RBFOX1: variants seen among roughly 807,000 people sequenced by gnomAD.
RBFOX1 encodes RNA binding protein fox-1 homolog 1.
A neutral mutation model predicts 57.7 loss-of-function variants in RBFOX1; 8 were observed. The observed-to-expected ratio is 0.14, with a 90% CI of 0.08 to 0.25. RBFOX1 has a LOEUF of 0.25. RBFOX1 is among the 10% of genes least tolerant of loss of function. RBFOX1 has a pLI of 1.00. For missense variants in RBFOX1, 611 were observed against 548.5 expected (o/e 1.11, Z -1.14); for synonymous variants, 326 against 222.4 (o/e 1.47, Z -4.15).
intron 3 of RBFOX1, among the ~76,000 whole-genome samples, chr16:5,786,142 C>T (rs897929921): frequency 1.4e-4 from 22 of 152,150 alleles, no homozygotes; most frequent in African/African-American, 4.8e-4. Flanking sequence ...TATATTGCTC[C>T]ACCTCTCACC....
chr16:5,337,243 A>T (rs2064920624), intron 1 of RBFOX1, among the ~76,000 whole-genome samples: 1 of 152,194 alleles, frequency 6.6e-6, no homozygotes, highest in Non-Finnish European at 1.5e-5. Context: ...TGCTTTTATC[A>T]TGCAGGGATG....
intron 2 of RBFOX1, among the ~76,000 whole-genome samples, chr16:6,639,498 A>AAACATCTTATATTG (rs1157300195): frequency 6.6e-6 from 1 of 152,214 alleles, no homozygotes; most frequent in African/African-American, 2.4e-5. Flanking sequence ...CAGTTTTTAG[A>AAACATCTTATATTG]AACATCTTAT....
At chr16:6,936,499 C>T (rs907443058) in intron 3 of RBFOX1, among the ~76,000 whole-genome samples, 13 of 152,020 alleles carry the variant, frequency 8.6e-5, no homozygotes, top group African/African-American at 2.9e-4. Flanking sequence ...TAATTGACTC[C>T]CGACTATGTA....
chr16:5,809,014 C>T (rs115062624), intron 3 of RBFOX1, among the ~76,000 whole-genome samples: 1,638 of 152,158 alleles, frequency 0.011, 39 homozygotes, highest in African/African-American at 0.037. Context: ...CAAACCCTAA[C>T]GCTGCGTATC....
intron 3 of RBFOX1, among the ~76,000 whole-genome samples, chr16:5,663,178 G>C (rs2049714271): frequency 6.6e-6 from 1 of 152,124 alleles, no homozygotes; most frequent in African/African-American, 2.4e-5. Context: ...AATGCCAAGA[G>C]TGTTGAGGTT....
chr16:6,351,957 A>G (rs183266805), intron 2 of RBFOX1, among the ~76,000 whole-genome samples: 165 of 152,278 alleles, frequency 1.1e-3, no homozygotes, highest in Non-Finnish European at 2.1e-3. Flanking sequence ...AAATGCACAG[A>G]ATTTATACAC....
intron 4 of RBFOX1, among the ~76,000 whole-genome samples, chr16:7,292,232 CGTATTATATATCAT>C (rs1568063949): frequency 5.8e-4 from 59 of 101,804 alleles, no homozygotes; most frequent in African/African-American, 2.6e-3. Flanking sequence ...TGATATAGAA[CGTATTATATATCAT>C]ATATATGATA....
intron 2 of RBFOX1, among the ~76,000 whole-genome samples, chr16:6,583,332 TG>T (rs1001988982): frequency 3.9e-5 from 6 of 151,958 alleles, no homozygotes; most frequent in African/African-American, 1.5e-4. Context: ...CAGTGGGAAA[TG>T]GGTGGGTTGC....
At chr16:6,970,225 C>T (rs967412642) in intron 3 of RBFOX1, among the ~76,000 whole-genome samples, 1 of 151,814 alleles carries the variant, frequency 6.6e-6, no homozygotes, top group Non-Finnish European at 1.5e-5. Flanking sequence ...ATCAAAAACC[C>T]ATGAAAAACC....
chr16:7,259,911 A>G (rs1157556901), intron 4 of RBFOX1, among the ~76,000 whole-genome samples: 1 of 152,182 alleles, frequency 6.6e-6, no homozygotes, highest in African/African-American at 2.4e-5. Flanking sequence ...ATTCTGGGAT[A>G]AATGAATGCC....
In RBFOX1 at chr16:7,689,934, A is replaced by T. The variant is rs143936992; in HGVS notation, c.995+13096A>T. The stretch of plus-strand genomic sequence containing the variant: ...TACTGTATCAGGTTTGTGTGGTTGC[A>T]TAGTCTAAAACCTAAGTAGCTAGGT... On this transcript the variant is annotated intron_variant, in intron 14 of 15. Transcript: ENST00000550418. Among the ~76,000 whole-genome samples the T allele has an allele frequency of 3.2e-3, 491 of 152,226 alleles. 2 individuals carry two copies. Among genetic ancestry groups the T allele is most frequent in the Non-Finnish European group, 4.5e-3 (307 of 67,998 alleles).
chr16:7,703,869 A>G (rs1369409801), intron 14 of RBFOX1, among the ~76,000 whole-genome samples: 1 of 152,242 alleles, frequency 6.6e-6, no homozygotes, highest in Non-Finnish European at 1.5e-5. Context: ...TTTGATCGGT[A>G]GAGCTGCATG....
chr16:5,300,580 A>G (rs1388890896), intron 1 of RBFOX1, among the ~76,000 whole-genome samples: 2 of 152,174 alleles, frequency 1.3e-5, no homozygotes, highest in East Asian at 3.8e-4. Flanking sequence ...TAATAATTAT[A>G]TTATTTATTT....
chr16:6,296,539 G>A (rs1489258887), intron 1 of RBFOX1, among the ~76,000 whole-genome samples: 1 of 151,786 alleles, frequency 6.6e-6, no homozygotes, highest in Non-Finnish European at 1.5e-5. Context: ...TCCTGCCTCA[G>A]CCTCCCGTGT....
chr16:6,433,997 A>C (rs2094168956), intron 2 of RBFOX1, among the ~76,000 whole-genome samples: 1 of 151,806 alleles, frequency 6.6e-6, no homozygotes, highest in African/African-American at 2.4e-5. Flanking sequence ...ACAGGCATGC[A>C]CCACCAAACC....
At chr16:5,367,780 C>T (rs1034833727) in intron 1 of RBFOX1, among the ~76,000 whole-genome samples, 1 of 152,140 alleles carries the variant, frequency 6.6e-6, no homozygotes, top group Admixed American at 6.5e-5. Flanking sequence ...AGATGCCTTG[C>T]CCATGGTCCC....
At chr16:6,820,331 C>G (rs1567400087) in intron 3 of RBFOX1, among the ~76,000 whole-genome samples, 1 of 152,088 alleles carries the variant, frequency 6.6e-6, no homozygotes, top group South Asian at 2.1e-4. Flanking sequence ...ATCAAATAAT[C>G]TTTTGATTCC....
intron 2 of RBFOX1, among the ~76,000 whole-genome samples, chr16:5,467,981 T>C (rs115847816): frequency 0.013 from 1,966 of 152,224 alleles, 45 homozygotes; most frequent in African/African-American, 0.045. Flanking sequence ...CTTGAGTGGA[T>C]TGGGGATGGT....
chr16:5,501,036 C>T (rs990100181), intron 2 of RBFOX1, among the ~76,000 whole-genome samples: 16 of 152,088 alleles, frequency 1.1e-4, no homozygotes, highest in Non-Finnish European at 2.9e-5. Flanking sequence ...GAAAACACGG[C>T]CAGGCGCGGT....
Sources: allele counts gnomAD v4.1 joint callset (sites outside exome capture counted in the v4.1 genomes callset), GRCh38; gene constraint gnomAD v4.1.1; transcripts MANE v1.5; gene names NCBI Gene and HGNC (gene_info 2026-07-23, HGNC 2026-07-21).